RBPMS: variants seen among roughly 807,000 people sequenced by gnomAD.
RBPMS encodes RNA-binding protein with multiple splicing.
RBPMS carries 7 observed loss-of-function variants against 26.8 expected under a neutral mutation model. That is an observed-to-expected ratio of 0.26 (90% CI 0.15 to 0.49). The LOEUF is 0.49. RBPMS is among the 20% of genes least tolerant of loss of function. The pLI, the probability that RBPMS is intolerant of heterozygous loss-of-function variation, is 0.98. For missense variants in RBPMS, 186 were observed against 250.0 expected (o/e 0.74, Z 1.73); for synonymous variants, 96 against 93.3 (o/e 1.03, Z -0.17).
chr8:30,520,085 G>A (rs1002095675), intron 5 of RBPMS, among the ~76,000 whole-genome samples: 2 of 152,038 alleles, frequency 1.3e-5, no homozygotes, highest in Admixed American at 6.5e-5. Flanking sequence ...AACTAAGAGG[G>A]GTTTGTGGAT....
chr8:30,486,695 T>C (rs1390014982), intron 4 of RBPMS, among the ~76,000 whole-genome samples: 2 of 152,064 alleles, frequency 1.3e-5, no homozygotes, highest in Admixed American at 1.3e-4. Context: ...TAGTCGGAAA[T>C]TTTAGTAGCA....
At chr8:30,472,928 C>T (rs963936446) in intron 1 of RBPMS, among the ~76,000 whole-genome samples, 1 of 152,162 alleles carries the variant, frequency 6.6e-6, no homozygotes, top group East Asian at 1.9e-4. Flanking sequence ...ATTAGCCAGA[C>T]ATGGTAGCAG....
At chr8:30,460,982 G>C (rs1815817193) in intron 1 of RBPMS, among the ~76,000 whole-genome samples, 1 of 150,554 alleles carries the variant, frequency 6.6e-6, no homozygotes, top group Non-Finnish European at 1.5e-5. Context: ...GAGTCTGGTA[G>C]GTGGAGTTTG....
At chr8:30,420,486 G>GTA (rs1810640337) in intron 1 of RBPMS, among the ~76,000 whole-genome samples, 1 of 152,140 alleles carries the variant, frequency 6.6e-6, no homozygotes, top group Non-Finnish European at 1.5e-5. Context: ...TTGAAATATT[G>GTA]TAGTTAAAAG....
intron 1 of RBPMS, among the ~76,000 whole-genome samples, chr8:30,463,907 G>GGGAGGT (rs1400247889): frequency 3.3e-5 from 5 of 152,286 alleles, no homozygotes; most frequent in Admixed American, 3.3e-4. Flanking sequence ...CCAGGACTTG[G>GGGAGGT]GGAGGTGGAG....
intron 1 of RBPMS, chr8:30,444,636 CTG>C (rs1180828925): frequency 2.6e-5 from 4 of 152,140 alleles, no homozygotes; most frequent in African/African-American, 4.8e-5. Flanking sequence ...ACATAAGTAT[CTG>C]TGTGTATTTT....
intron 6 of RBPMS, 186 bp downstream of exon 6, chr8:30,544,810 GAT>G (rs776654959): frequency 6.4e-7 from 1 of 1,555,970 alleles, no homozygotes; most frequent in African/African-American, 1.4e-5. Context: ...TGACAGCAAT[GAT>G]ATCACCCACT....
At chr8:30,432,078 A>G (rs1301116947) in intron 1 of RBPMS, among the ~76,000 whole-genome samples, 1 of 152,118 alleles carries the variant, frequency 6.6e-6, no homozygotes, top group African/African-American at 2.4e-5. Context: ...GTGAGCCATG[A>G]TCACGCCGCT....
intron 1 of RBPMS, among the ~76,000 whole-genome samples, chr8:30,459,332 G>C (rs1478607535): frequency 6.6e-6 from 1 of 151,544 alleles, no homozygotes; most frequent in Non-Finnish European, 1.5e-5. Context: ...TGTTGCTCAG[G>C]CTTTCCTTGA....
At chr8:30,393,214 A>G (rs557195193) in intron 1 of RBPMS, among the ~76,000 whole-genome samples, 1 of 152,168 alleles carries the variant, frequency 6.6e-6, no homozygotes, top group Admixed American at 6.5e-5. Flanking sequence ...AGCTTAGAAA[A>G]ATCTGATATA....
chr8:30,412,991 A>C (rs1201354605), intron 1 of RBPMS, among the ~76,000 whole-genome samples: 1 of 152,204 alleles, frequency 6.6e-6, no homozygotes, highest in African/African-American at 2.4e-5. Context: ...CCTCACTTAA[A>C]AAGATGGGGC....
At chr8:30,450,184 T>G (rs1814392711) in intron 1 of RBPMS, among the ~76,000 whole-genome samples, 1 of 152,256 alleles carries the variant, frequency 6.6e-6, no homozygotes, top group Non-Finnish European at 1.5e-5. Context: ...ATAGACACTT[T>G]AAAATCAACG....
At chr8:30,517,479 G>T (rs768514188) in intron 5 of RBPMS, among the ~76,000 whole-genome samples, 96 of 152,130 alleles carry the variant, frequency 6.3e-4, no homozygotes, top group Admixed American at 1.3e-3. Context: ...AGGTGGAGGG[G>T]TGTCTTTCTG....
chr8:30,416,391 G>T (rs1212891469), intron 1 of RBPMS, among the ~76,000 whole-genome samples: 3 of 151,988 alleles, frequency 2.0e-5, no homozygotes, highest in Non-Finnish European at 4.4e-5. Flanking sequence ...GAGTGCAGTG[G>T]TGTGATCTCT....
At chr8:30,441,477 A>G (rs1813066082) in intron 1 of RBPMS, among the ~76,000 whole-genome samples, 2 of 152,218 alleles carry the variant, frequency 1.3e-5, no homozygotes, top group South Asian at 4.1e-4. Context: ...AGCATTATTC[A>G]TGTCACAAGA....
At chr8:30,419,530 T>C (rs1585400362) in intron 1 of RBPMS, among the ~76,000 whole-genome samples, 1 of 150,822 alleles carries the variant, frequency 6.6e-6, no homozygotes, top group East Asian at 1.9e-4. Context: ...AATCTCAAAA[T>C]GCCCCACAAT....
At chr8:30,528,307 C>G (rs1823825903) in intron 5 of RBPMS, among the ~76,000 whole-genome samples, 1 of 152,132 alleles carries the variant, frequency 6.6e-6, no homozygotes, top group African/African-American at 2.4e-5. Context: ...GGATTTGGTT[C>G]CCTGTCTTTT....
intron 8 of RBPMS, among the ~76,000 whole-genome samples, chr8:30,567,565 G>A (rs2151097258): frequency 6.6e-6 from 1 of 152,282 alleles, no homozygotes; most frequent in African/African-American, 2.4e-5. Flanking sequence ...TTCCTCCTGG[G>A]GATATTTAAA....
intron 4 of RBPMS, among the ~76,000 whole-genome samples, chr8:30,498,981 C>T (rs1820273887): frequency 6.6e-6 from 1 of 152,014 alleles, no homozygotes; most frequent in Non-Finnish European, 1.5e-5. Flanking sequence ...ACAACTGGGA[C>T]ACTTGGAACA....
Sources: allele counts gnomAD v4.1 joint callset (sites outside exome capture counted in the v4.1 genomes callset), GRCh38; gene constraint gnomAD v4.1.1; transcripts MANE v1.5; gene names NCBI Gene and HGNC (gene_info 2026-07-23, HGNC 2026-07-21).